SPRR2E: variants seen among roughly 807,000 people sequenced by gnomAD.
SPRR2E encodes the protein small proline rich protein 2E.
For missense variants in SPRR2E, 68 were observed against 87.1 expected (o/e 0.78, Z 0.87); for synonymous variants, 20 against 32.2 (o/e 0.62, Z 1.28).
In SPRR2E at chr1:153,093,280, T is replaced by TCTTCCAAAGC. The variant is rs1655130705; in HGVS notation, c.*243_*252dup. On this transcript the variant is annotated 3_prime_UTR_variant, in exon 2 of 2. Coordinates refer to ENST00000368750, the MANE Select transcript of SPRR2E (RefSeq NM_001024209.4). The stretch of plus-strand genomic sequence containing the variant: ...TCCCAGGGACAGAGCTGCTGGTCCT[T>TCTTCCAAAGC]CTTCCAAAGCTCTGGGAACTGACAC... 1 of 650,264 alleles carries TCTTCCAAAGC rather than the reference T, an allele frequency of 1.5e-6. No homozygotes were observed. The highest frequency in any genetic ancestry group is 2.9e-5 in the East Asian group (1 of 34,810). 40.3% of individuals were successfully genotyped at this position (650,264 alleles called of 1,614,324 possible). A position where few individuals can be genotyped will look rare whatever the true frequency, so the allele number is the denominator to read the frequency against.
intron 1 of SPRR2E, 116 bp downstream of exon 1, chr1:153,094,368 A>G (rs564549472): frequency 3.8e-5 from 6 of 156,922 alleles, no homozygotes; most frequent in African/African-American, 1.4e-4. Flanking sequence ...AGTTCCATCA[A>G]CTAAGTACCA....
chr1:153,093,479 C>T lies in SPRR2E; in HGVS notation c.*54G>A, dbSNP rs1202454975. ...AGAAGATGCAGGTGAAGCTGTGGAA[C>T]AAGGTGAGCCAATTATCCTTATCCT... is the stretch of plus-strand genomic sequence containing the variant. On this transcript the variant is annotated 3_prime_UTR_variant, in exon 2 of 2. Transcript: ENST00000368750. 12 of 1,582,670 alleles carry T rather than the reference C, an allele frequency of 7.6e-6. No homozygotes were observed. The African/African-American group carries it at 1.3e-4, about 18-fold the overall frequency.
At chr1:153,093,904 G>T in intron 1 of SPRR2E, 134 bp from the exon 2 acceptor site, 1 of 1,326,846 alleles carries the variant, frequency 7.5e-7, no homozygotes, top group South Asian at 1.5e-5. Flanking sequence ...CTCTTTTCAT[G>T]ACTTCCTGTC....
At chr1:153,093,797 A>G (rs758407474) in intron 1 of SPRR2E, 27 bp from the exon 2 acceptor site, 49 of 1,610,242 alleles carry the variant, frequency 3.0e-5, no homozygotes, top group African/African-American at 5.3e-5. Context: ...GACAGTGTTC[A>G]CAGGAATGGA....
Position 153,093,395 on chromosome 1 carries a change from G to A in SPRR2E, c.*138C>T. The A allele has an allele frequency of 6.8e-7, 1 of 1,461,842 alleles. No homozygotes were observed. Among genetic ancestry groups the A allele is most frequent in the South Asian group, 1.3e-5 (1 of 74,788 alleles). The allele number at this position is 1,461,842 out of a possible 1,614,324, so 90.6% of individuals were successfully genotyped here. Reference sequence around the variant, plus strand: ...ACCTTTTGCTATCAGGGATCATCATGGGCAGATCACTGGCTAAGAGGAAAG... The same window carrying A: ...ACCTTTTGCTATCAGGGATCATCATAGGCAGATCACTGGCTAAGAGGAAAG... On this transcript the variant is annotated 3_prime_UTR_variant, in exon 2 of 2. Coordinates refer to ENST00000368750, the MANE Select transcript of SPRR2E (RefSeq NM_001024209.4).
At position 153,093,208 on chromosome 1, in the gene SPRR2E, C is replaced by T. The variant is rs1385831354; in HGVS notation, c.*325G>A. 1 of 432,858 alleles carries T rather than the reference C, an allele frequency of 2.3e-6. No homozygotes were observed. The highest frequency in any genetic ancestry group is 3.5e-5 in the East Asian group (1 of 28,300). 26.8% of individuals were successfully genotyped at this position (432,858 alleles called of 1,614,324 possible). ...TGCACAGGTGTTAGAAGCCCATGCC[C>T]AGGTGACAGACAGACACAGAAAACA... On this transcript the variant is annotated 3_prime_UTR_variant, in exon 2 of 2. Transcript: ENST00000368750.
In SPRR2E at chr1:153,093,345, G is replaced by T; in HGVS notation, c.*188C>A. On this transcript the variant is annotated 3_prime_UTR_variant, in exon 2 of 2. Transcript: ENST00000368750. ...TTTCTCAGTCTCCACCTGGACAGTG[G>T]CAATATGGCAGCCTCAGAAAGGAAA... 2 of 1,136,368 alleles carry T rather than the reference G, an allele frequency of 1.8e-6. No individual in the cohort carries two copies. The highest frequency in any genetic ancestry group is 2.6e-5 in the East Asian group (1 of 39,044). The allele number at this position is 1,136,368 out of a possible 1,614,324, so 70.4% of individuals were successfully genotyped here.
At chr1:153,093,804 T>G (rs1347383226) in intron 1 of SPRR2E, 34 bp from the exon 2 acceptor site, 12 of 1,609,972 alleles carry the variant, frequency 7.5e-6, no homozygotes, top group African/African-American at 4.0e-5. Flanking sequence ...TTCACAGGAA[T>G]GGACTCCTCC....
Position 153,093,245 on chromosome 1 carries a change from T to G in SPRR2E, c.*288A>C. ...AGACACAGAAAACATCAACAGCATT[T>G]TTTGATGGTTCCCAGGGACAGAGCT... On this transcript the variant is annotated 3_prime_UTR_variant, in exon 2 of 2. Coordinates refer to ENST00000368750, the MANE Select transcript of SPRR2E (RefSeq NM_001024209.4). The G allele has an allele frequency of 2.0e-6, 1 of 506,406 alleles. No homozygotes were observed. The highest frequency in any genetic ancestry group is 5.2e-4 in the Middle Eastern group (1 of 1,924). The allele number at this position is 506,406 out of a possible 1,614,324, so 31.4% of individuals were successfully genotyped here.
At chr1:153,094,364 A>G (rs1655169859) in intron 1 of SPRR2E, 120 bp downstream of exon 1, 1 of 157,446 alleles carries the variant, frequency 6.4e-6, no homozygotes, top group South Asian at 1.9e-4. Flanking sequence ...CTGTAGTTCC[A>G]TCAACTAAGT....
chr1:153,093,771 C>T lies in SPRR2E; in HGVS notation c.-19-1G>A, dbSNP rs758947773. On this transcript the variant is annotated splice_acceptor_variant, in intron 1 of 1. Coordinates refer to ENST00000368750, the MANE Select transcript of SPRR2E (RefSeq NM_001024209.4). LOFTEE classifies it low-confidence loss of function (5UTR_SPLICE). ...AGACATCCTGCTGGAGTCTCAGAATCTGAAAGAAATGATATGACAGTGTTC... is the reference window on the plus strand; with the variant it reads ...AGACATCCTGCTGGAGTCTCAGAATTTGAAAGAAATGATATGACAGTGTTC... 1 of 1,611,540 alleles carries T rather than the reference C, an allele frequency of 6.2e-7. No individual in the cohort carries two copies. Among genetic ancestry groups the T allele is most frequent in the Admixed American group, 1.7e-5 (1 of 60,022 alleles).
rs761300360 is a variant in SPRR2E at position 153,093,785 on chromosome 1, A to C, written c.-19-15T>G. On this transcript the variant is annotated splice_polypyrimidine_tract_variant and intron_variant, in intron 1 of 1. Coordinates refer to ENST00000368750, the MANE Select transcript of SPRR2E (RefSeq NM_001024209.4). Reference sequence around the variant, plus strand: ...AGTCTCAGAATCTGAAAGAAATGATATGACAGTGTTCACAGGAATGGACTC... The same window carrying C: ...AGTCTCAGAATCTGAAAGAAATGATCTGACAGTGTTCACAGGAATGGACTC... The C allele has an allele frequency of 6.2e-7, 1 of 1,611,260 alleles. No individual in the cohort carries two copies. The highest frequency in any genetic ancestry group is 1.7e-5 in the Admixed American group (1 of 60,024).
In SPRR2E at chr1:153,093,522, T is replaced by A. The variant is rs1429752268; in HGVS notation, c.*11A>T. 3 of 1,611,304 alleles carry A rather than the reference T, an allele frequency of 1.9e-6. No homozygotes were observed. In the Admixed American group the frequency reaches 5.0e-5, roughly 27 times the overall value. On this transcript the variant is annotated 3_prime_UTR_variant, in exon 2 of 2. Transcript: ENST00000368750. ...CTTATCCTTTCATGCTCCTGATGAA[T>A]TCTGAAGCTGTTACTTGCTCTTGGG...
In SPRR2E at chr1:153,093,272, C is replaced by T. The variant is rs186538178; in HGVS notation, c.*261G>A. Reference sequence around the variant, plus strand: ...TTGATGGTTCCCAGGGACAGAGCTGCTGGTCCTTCTTCCAAAGCTCTGGGA... The same window carrying T: ...TTGATGGTTCCCAGGGACAGAGCTGTTGGTCCTTCTTCCAAAGCTCTGGGA... On this transcript the variant is annotated 3_prime_UTR_variant, in exon 2 of 2. Transcript: ENST00000368750. The T allele has an allele frequency of 4.3e-4, 267 of 614,446 alleles. 1 individual carries two copies. The African/African-American group carries it at 4.6e-3, about 11-fold the overall frequency. The allele number at this position is 614,446 out of a possible 1,614,324, so 38.1% of individuals were successfully genotyped here. A position where few individuals can be genotyped will look rare whatever the true frequency, so the allele number is the denominator to read the frequency against.
At position 153,093,371 on chromosome 1, in the gene SPRR2E, C is replaced by A. The variant is rs1655134604; in HGVS notation, c.*162G>T. The A allele has an allele frequency of 7.3e-7, 1 of 1,371,018 alleles. No homozygotes were observed. The highest frequency in any genetic ancestry group is 2.6e-5 in the Admixed American group (1 of 37,988). The allele number at this position is 1,371,018 out of a possible 1,614,324, so 84.9% of individuals were successfully genotyped here. ...CAATATGGCAGCCTCAGAAAGGAAA[C>A]CTTTTGCTATCAGGGATCATCATGG... On this transcript the variant is annotated 3_prime_UTR_variant, in exon 2 of 2. Coordinates refer to ENST00000368750, the MANE Select transcript of SPRR2E (RefSeq NM_001024209.4).
chr1:153,093,503 C>A lies in SPRR2E; in HGVS notation c.*30G>T. On this transcript the variant is annotated 3_prime_UTR_variant, in exon 2 of 2. Coordinates refer to ENST00000368750, the MANE Select transcript of SPRR2E (RefSeq NM_001024209.4). ...ACAAGGTGAGCCAATTATCCTTATC[C>A]TTTCATGCTCCTGATGAATTCTGAA... The A allele has an allele frequency of 3.1e-6, 5 of 1,604,886 alleles. No individual in the cohort carries two copies. Among genetic ancestry groups the A allele is most frequent in the Non-Finnish European group, 4.3e-6 (5 of 1,175,902 alleles).
chr1:153,093,836 T>A, intron 1 of SPRR2E, 66 bp from the exon 2 acceptor site: 1 of 1,598,870 alleles, frequency 6.3e-7, no homozygotes, highest in East Asian at 2.2e-5. Flanking sequence ...CCAAAGCTTA[T>A]GTAATACCAT....
At chr1:153,094,031 A>G (rs1276826883) in intron 1 of SPRR2E, among the ~76,000 whole-genome samples, 2 of 152,256 alleles carry the variant, frequency 1.3e-5, no homozygotes, top group Non-Finnish European at 2.9e-5. Context: ...TTATTCCATG[A>G]AAATGACATC....
intron 1 of SPRR2E, 130 bp from the exon 2 acceptor site, chr1:153,093,900 T>C (rs1332783659): frequency 1.1e-5 from 14 of 1,327,768 alleles, no homozygotes; most frequent in South Asian, 1.5e-5. Flanking sequence ...AGCTCTCTTT[T>C]CATGACTTCC....
Sources: gnomAD v4.1 joint callset for allele counts (sites outside exome capture counted in the v4.1 genomes callset) on GRCh38, gnomAD v4.1.1 for gene constraint, MANE v1.5 for transcripts, NCBI Gene and HGNC (gene_info 2026-07-23, HGNC 2026-07-21) for gene names.